The following GALNT13 variants were observed in gnomAD, a reference collection of about 807,000 sequenced individuals.
The protein encoded by GALNT13 is polypeptide N-acetylgalactosaminyltransferase 13, also known as UDP-GalNAc:polypeptide N-acetylgalactosaminyltransferase 13.
Under a neutral mutation model 64.2 loss-of-function variants are expected in GALNT13, and 28 were observed. The observed-to-expected ratio is 0.44, with a 90% CI of 0.32 to 0.60. The LOEUF is 0.60. Ranked by LOEUF, GALNT13 falls within the 20% of genes least tolerant of loss-of-function variation. The pLI is 0.05. For missense variants in GALNT13, 577 were observed against 669.8 expected, an observed-to-expected ratio of 0.86 and a Z score of 1.53; for synonymous variants, 214 against 224.6, an observed-to-expected ratio of 0.95 and a Z score of 0.42.
chr2:153,478,491 TC>T, the GALNT13 span: 1 of 1,612,164 alleles, frequency 6.2e-7, no homozygotes. Flanking sequence ...AGCGCACGGC[TC>T]GCTCCAGCGC....
the GALNT13 span, among the ~76,000 whole-genome samples, chr2:153,665,514 T>C: frequency 6.6e-6 from 1 of 152,138 alleles, no homozygotes; most frequent in African/African-American, 2.4e-5. Context: ...GCATAGAATG[T>C]ATTAATTCTA....
At chr2:154,114,269 C>G (rs1445320423) in intron 3 of GALNT13, among the ~76,000 whole-genome samples, 2 of 152,178 alleles carry the variant, frequency 1.3e-5, no homozygotes, top group African/African-American at 4.8e-5. Context: ...TGTGGGGGTT[C>G]TGCCAGCTGC....
chr2:153,478,851 G>A, the GALNT13 span: 2 of 380,476 alleles, frequency 5.3e-6, no homozygotes, highest in Non-Finnish European at 9.6e-6. Context: ...GGACCAGCCC[G>A]GCCGTGGGAG....
chr2:154,437,497 A>G (rs775548670), intron 11 of GALNT13: 7 of 1,239,702 alleles, frequency 5.6e-6, no homozygotes, highest in Non-Finnish European at 7.3e-6. Context: ...AGAAAAACCC[A>G]CAGAATACTG....
At chr2:153,116,759 A>T in the GALNT13 span, among the ~76,000 whole-genome samples, 1 of 148,306 alleles carries the variant, frequency 6.7e-6, no homozygotes, top group African/African-American at 2.5e-5. Context: ...TGACCACAAC[A>T]TTGAGGATGC....
At chr2:153,973,710 G>A (rs1693892640) in intron 3 of GALNT13, among the ~76,000 whole-genome samples, 1 of 151,894 alleles carries the variant, frequency 6.6e-6, no homozygotes, top group African/African-American at 2.4e-5. Flanking sequence ...CAGAACCAAC[G>A]TGAATGACTA....
intron 4 of GALNT13, among the ~76,000 whole-genome samples, chr2:154,141,903 A>G (rs1304280175): frequency 6.6e-6 from 1 of 152,210 alleles, no homozygotes; most frequent in Non-Finnish European, 1.5e-5. Flanking sequence ...ACTGTAAGCT[A>G]TGCTCTAGAT....
chr2:153,196,545 C>G, the GALNT13 span, among the ~76,000 whole-genome samples: 1 of 152,068 alleles, frequency 6.6e-6, no homozygotes, highest in African/African-American at 2.4e-5. Context: ...CCTGGGCCCC[C>G]GAGAGTGCAG....
the GALNT13 span, among the ~76,000 whole-genome samples, chr2:153,135,219 C>CTAATACCTAATACCTAATAAT: frequency 6.6e-6 from 1 of 152,062 alleles, no homozygotes; most frequent in Non-Finnish European, 1.5e-5. Context: ...ATAAGGCTAC[C>CTAATACCTAATACCTAATAAT]AATCTTATTG....
the GALNT13 span, among the ~76,000 whole-genome samples, chr2:153,235,092 G>A: frequency 1.3e-5 from 2 of 152,062 alleles, no homozygotes; most frequent in Non-Finnish European, 2.9e-5. Flanking sequence ...ATGGGAAACT[G>A]AATTAATAAA....
intron 4 of GALNT13, among the ~76,000 whole-genome samples, chr2:154,195,306 A>G (rs1010403786): frequency 1.3e-5 from 2 of 152,118 alleles, no homozygotes; most frequent in Non-Finnish European, 2.9e-5. Flanking sequence ...TGCTTTTCTT[A>G]GCATTTCAAG....
intron 4 of GALNT13, among the ~76,000 whole-genome samples, chr2:154,237,121 G>C (rs982545790): frequency 2.0e-5 from 3 of 151,804 alleles, no homozygotes; most frequent in Non-Finnish European, 2.9e-5. Context: ...GAACTATGCA[G>C]CTTGAGACTT....
At chr2:153,230,254 T>C in the GALNT13 span, among the ~76,000 whole-genome samples, 3 of 152,220 alleles carry the variant, frequency 2.0e-5, no homozygotes, top group Non-Finnish European at 4.4e-5. Flanking sequence ...CTTATGTTTT[T>C]CTAATTTTCT....
At chr2:154,118,206 C>T (rs568148085) in intron 3 of GALNT13, among the ~76,000 whole-genome samples, 56 of 149,634 alleles carry the variant, frequency 3.7e-4, no homozygotes, top group Non-Finnish European at 6.4e-4. Flanking sequence ...ATTTTGGGTG[C>T]GGTGCATATA....
chr2:153,085,397 A>G, the GALNT13 span, among the ~76,000 whole-genome samples: 1 of 152,124 alleles, frequency 6.6e-6, no homozygotes, highest in South Asian at 2.1e-4. Context: ...AGTTCCTTCC[A>G]TCACACGCCT....
the GALNT13 span, among the ~76,000 whole-genome samples, chr2:153,643,941 A>C: frequency 6.6e-6 from 1 of 152,018 alleles, no homozygotes; most frequent in African/African-American, 2.4e-5. Context: ...ACGAATAACA[A>C]GAATCTGCAA....
intron 4 of GALNT13, among the ~76,000 whole-genome samples, chr2:154,233,947 G>A (rs142480666): frequency 6.6e-6 from 1 of 152,216 alleles, no homozygotes; most frequent in East Asian, 1.9e-4. Context: ...AGAGATTAAA[G>A]TGAGTAAGCT....
intron 3 of GALNT13, among the ~76,000 whole-genome samples, chr2:154,001,761 T>G (rs2105222297): frequency 6.6e-6 from 1 of 152,230 alleles, no homozygotes; most frequent in Non-Finnish European, 1.5e-5. Context: ...CAGAGTTTTA[T>G]ACTTTCAGAT....
At chr2:154,374,715 G>C (rs1697884092) in intron 9 of GALNT13, among the ~76,000 whole-genome samples, 1 of 152,172 alleles carries the variant, frequency 6.6e-6, no homozygotes, top group South Asian at 2.1e-4. Context: ...GAAAAGTGTG[G>C]CTTCCCTGAT....
Sources: allele counts gnomAD v4.1 joint callset (sites outside exome capture counted in the v4.1 genomes callset), GRCh38; gene constraint gnomAD v4.1.1; transcripts MANE v1.5; gene names NCBI Gene and HGNC (gene_info 2026-07-23, HGNC 2026-07-21).